Variants in DMD observed in about 807,000 individuals in gnomAD.
DMD encodes mutant dystrophin.
Under a neutral mutation model 330.1 loss-of-function variants are expected in DMD, and 63 were observed. That is an observed-to-expected ratio of 0.19 (90% CI 0.16 to 0.24). The LOEUF (loss-of-function observed/expected upper bound fraction) is 0.24. DMD is among the 10% of genes least tolerant of loss of function. DMD has a pLI of 1.00. For synonymous variants in DMD, 1,223 were observed against 959.8 expected (o/e 1.27, Z -5.07); for missense variants, 3,344 against 2,684.1 (o/e 1.25, Z -5.43).
chrX:32,539,172 C>CTTTTTTT lies in DMD; in HGVS notation c.2168+5980_2168+5986dup, dbSNP rs71980872. On this transcript the variant is annotated intron_variant, in intron 17 of 78. Coordinates refer to ENST00000357033, the MANE Select transcript of DMD (RefSeq NM_004006.3). ...AAGATGGTATGCAAGATTTCTATTT[C>CTTTTTTT]TTTTTTTTTTTTTTTTAACAAAAAA... is the stretch of plus-strand genomic sequence containing the variant. Among the ~76,000 whole-genome samples, 20 of 95,431 alleles carry CTTTTTTT rather than the reference C, an allele frequency of 2.1e-4. No homozygotes were observed. The South Asian group carries it at 4.0e-3, about 19-fold the overall frequency. The allele number at this position is 95,431 out of a possible 115,157, so 82.9% of individuals were successfully genotyped here. A position where few individuals can be genotyped will look rare whatever the true frequency, so the allele number is the denominator to read the frequency against.
At chrX:32,639,508 T>C (rs1021857990) in intron 11 of DMD, among the ~76,000 whole-genome samples, 7 of 112,617 alleles carry the variant, frequency 6.2e-5, no homozygotes, top group Admixed American at 2.8e-4. Flanking sequence ...TAAACATTGG[T>C]AAAGTTTTGT....
chrX:32,859,372 G>A (rs2081876986), intron 2 of DMD, among the ~76,000 whole-genome samples: 1 of 107,554 alleles, frequency 9.3e-6, no homozygotes, highest in African/African-American at 3.4e-5. Context: ...AGAGGCTGAG[G>A]CAGGAGAATC....
chrX:32,710,308 T>C (rs2065075597), intron 7 of DMD, among the ~76,000 whole-genome samples: 1 of 110,846 alleles, frequency 9.0e-6, no homozygotes, highest in Admixed American at 9.6e-5. Context: ...TTTTGTGACC[T>C]TGGATAAAGT....
chrX:31,574,141 T>C (rs775153365), intron 55 of DMD, among the ~76,000 whole-genome samples: 8 of 96,125 alleles, frequency 8.3e-5, no homozygotes, highest in Admixed American at 6.6e-4. Context: ...TTTGTTTTTT[T>C]TTTTGTTTTT....
intron 1 of DMD, among the ~76,000 whole-genome samples, chrX:33,195,980 C>T (rs980828603): frequency 3.6e-5 from 4 of 111,041 alleles, no homozygotes; most frequent in Non-Finnish European, 1.9e-5. Context: ...AGTCAGAAGC[C>T]GAGAAGCAAA....
At chrX:32,049,948 A>C (rs2096095105) in intron 44 of DMD, among the ~76,000 whole-genome samples, 1 of 111,620 alleles carries the variant, frequency 9.0e-6, no homozygotes, top group Admixed American at 9.6e-5. Context: ...CTTGACATCT[A>C]ATTGGCAATA....
chrX:32,359,830 ACT>A (rs2097824266), intron 37 of DMD, among the ~76,000 whole-genome samples: 4 of 110,319 alleles, frequency 3.6e-5, no homozygotes, highest in Admixed American at 2.9e-4. Flanking sequence ...CCATCTAGTA[ACT>A]CTATTATTTT....
At chrX:32,566,715 G>A (rs765894591) in intron 15 of DMD, among the ~76,000 whole-genome samples, 1 of 111,953 alleles carries the variant, frequency 8.9e-6, no homozygotes, top group South Asian at 3.7e-4. Flanking sequence ...GGAATAAGTG[G>A]TTTATGTGAA....
rs983618046 is a variant in DMD at position 31,378,936 on chromosome X, G to A, written c.9085-30302C>T. Among the ~76,000 whole-genome samples the A allele has an allele frequency of 2.3e-4, 26 of 110,900 alleles. 3 individuals carry two copies. Among genetic ancestry groups the A allele is most frequent in the Admixed American group, 2.2e-3 (23 of 10,420 alleles). On this transcript the variant is annotated intron_variant, in intron 60 of 78. Coordinates refer to ENST00000357033, the MANE Select transcript of DMD (RefSeq NM_004006.3). The stretch of plus-strand genomic sequence containing the variant: ...CAGTAGTTCCAAATAGCCAGAAAAC[G>A]GCACTTTCAATTTTTCCATCCTACA...
chrX:31,739,569 T>TGGACA (rs1056681641), intron 51 of DMD, among the ~76,000 whole-genome samples: 1 of 109,317 alleles, frequency 9.1e-6, no homozygotes, highest in Admixed American at 9.9e-5. Context: ...TGAGAACACA[T>TGGACA]GGACACAGGG....
intron 67 of DMD, among the ~76,000 whole-genome samples, chrX:31,193,996 C>T (rs766024963): frequency 5.4e-5 from 6 of 110,906 alleles, no homozygotes; most frequent in Non-Finnish European, 7.6e-5. Context: ...GCCTGGCCAA[C>T]GTGGTGAAAC....
chrX:32,294,962 C>T (rs929062867), intron 42 of DMD, among the ~76,000 whole-genome samples: 3 of 111,482 alleles, frequency 2.7e-5, no homozygotes, highest in Admixed American at 1.9e-4. Context: ...GCGATATAAA[C>T]ATCCCTAGAA....
chrX:32,857,175 G>A (rs932660470), intron 2 of DMD, among the ~76,000 whole-genome samples: 1 of 111,740 alleles, frequency 8.9e-6, no homozygotes, highest in African/African-American at 3.3e-5. Context: ...ATTATGCTTC[G>A]CATGCCTGTA....
At chrX:31,867,206 T>TG (rs1274059533) in intron 48 of DMD, among the ~76,000 whole-genome samples, 13 of 96,067 alleles carry the variant, frequency 1.4e-4, no homozygotes, top group Non-Finnish European at 2.4e-4. Context: ...TTGCAAAATT[T>TG]GTTTTTTTTT....
At chrX:31,992,174 G>A (rs1259985216) in intron 44 of DMD, among the ~76,000 whole-genome samples, 1 of 111,818 alleles carries the variant, frequency 8.9e-6, no homozygotes, top group African/African-American at 3.3e-5. Context: ...TTGAATTTCA[G>A]CAGGAGGAAT....
At chrX:33,185,621 C>A (rs760208411) in intron 1 of DMD, among the ~76,000 whole-genome samples, 2 of 111,335 alleles carry the variant, frequency 1.8e-5, no homozygotes, top group African/African-American at 3.3e-5. Context: ...AGTCCTCCCC[C>A]ACAAAAACTT....
intron 7 of DMD, among the ~76,000 whole-genome samples, chrX:32,758,618 G>T (rs1325261931): frequency 1.8e-5 from 2 of 111,447 alleles, no homozygotes; most frequent in Non-Finnish European, 3.8e-5. Flanking sequence ...ACTGTCAGTG[G>T]TCATAAAGGC....
At chrX:33,170,441 C>T (rs1464077037) in intron 1 of DMD, among the ~76,000 whole-genome samples, 1 of 110,817 alleles carries the variant, frequency 9.0e-6, no homozygotes, top group African/African-American at 3.3e-5. Context: ...TATAAAGAAA[C>T]TGAAACTGGA....
intron 16 of DMD, among the ~76,000 whole-genome samples, chrX:32,564,943 G>A (rs941759365): frequency 2.7e-5 from 3 of 111,596 alleles, no homozygotes; most frequent in African/African-American, 9.8e-5. Context: ...ATAATGCCAG[G>A]CTATGTGGCA....
Sources: allele counts gnomAD v4.1 joint callset (sites outside exome capture counted in the v4.1 genomes callset), GRCh38; gene constraint gnomAD v4.1.1; transcripts MANE v1.5; gene names NCBI Gene and HGNC (gene_info 2026-07-23, HGNC 2026-07-21).